Variants in MEOX2 observed in about 807,000 individuals in gnomAD.
The protein encoded by MEOX2 is mesenchyme homeobox 2.
In MEOX2, 11 loss-of-function variants were observed where a neutral mutation model predicts 27.0. The ratio of observed to expected loss-of-function variants is 0.41; its 90% CI spans 0.26 to 0.68. The LOEUF (loss-of-function observed/expected upper bound fraction) is 0.68. Ranked by LOEUF, MEOX2 falls within the 30% of genes least tolerant of loss-of-function variation. MEOX2 has a pLI of 0.33. For synonymous variants in MEOX2, 189 were observed against 155.4 expected (o/e 1.22, Z -1.61); for missense variants, 436 against 385.4 (o/e 1.13, Z -1.10).
intron 1 of MEOX2, among the ~76,000 whole-genome samples, chr7:15,644,640 G>A (rs1323120047): frequency 1.3e-5 from 2 of 152,232 alleles, no homozygotes; most frequent in Non-Finnish European, 1.5e-5. Context: ...GACATGATTT[G>A]GATAGTGGCA....
chr7:15,683,197 T>C (rs997316104), intron 1 of MEOX2, among the ~76,000 whole-genome samples: 31 of 152,020 alleles, frequency 2.0e-4, no homozygotes, highest in African/African-American at 7.0e-4. Context: ...TAAAATTCTA[T>C]TAGAATTTAA....
chr7:15,672,591 G>T (rs180827826), intron 1 of MEOX2, among the ~76,000 whole-genome samples: 34 of 152,116 alleles, frequency 2.2e-4, no homozygotes, highest in African/African-American at 6.5e-4. Context: ...TTTCACTTTA[G>T]AAAGTATCCG....
intron 1 of MEOX2, among the ~76,000 whole-genome samples, chr7:15,685,596 C>G (rs1782366944): frequency 6.6e-6 from 1 of 152,216 alleles, no homozygotes; most frequent in African/African-American, 2.4e-5. Flanking sequence ...TCACGCTTCA[C>G]AATCGATTTC....
chr7:15,630,481 G>C (rs978455013), intron 1 of MEOX2, among the ~76,000 whole-genome samples: 2 of 151,958 alleles, frequency 1.3e-5, no homozygotes, highest in African/African-American at 4.8e-5. Context: ...GGCTACTCTG[G>C]GTAAACGTAT....
chr7:15,674,299 G>C (rs1032613799), intron 1 of MEOX2, among the ~76,000 whole-genome samples: 2 of 152,188 alleles, frequency 1.3e-5, no homozygotes, highest in East Asian at 3.9e-4. Context: ...AATGACAAGA[G>C]ATAAAGATGT....
chr7:15,643,906 C>A (rs1038255179), intron 1 of MEOX2, among the ~76,000 whole-genome samples: 2 of 152,162 alleles, frequency 1.3e-5, no homozygotes, highest in African/African-American at 4.8e-5. Context: ...CAAGCATCAC[C>A]TGTGATGGGG....
chr7:15,632,240 G>T (rs1781416310), intron 1 of MEOX2, among the ~76,000 whole-genome samples: 1 of 151,666 alleles, frequency 6.6e-6, no homozygotes, highest in Non-Finnish European at 1.5e-5. Flanking sequence ...GGAAGTTACA[G>T]AAATTTTAGC....
rs1204533125 is a variant in MEOX2, at chr7:15,667,357, TTC to T, written c.517+18527_517+18528del. Among the ~76,000 whole-genome samples, 4 of 149,710 alleles carry T rather than the reference TTC, an allele frequency of 2.7e-5. No individual in the cohort carries two copies. In the East Asian group the frequency reaches 8.1e-4, roughly 30 times the overall value. ...AGGAGTTGAGGCAGCTGCCACCCTT[TTC>T]CTGGAAACTCCCTGGATTTCTCTGA... On this transcript the variant is annotated intron_variant, in intron 1 of 2. Transcript: ENST00000262041.
intron 1 of MEOX2, among the ~76,000 whole-genome samples, chr7:15,672,027 G>C (rs886401838): frequency 2.6e-5 from 4 of 151,722 alleles, no homozygotes; most frequent in Admixed American, 1.3e-4. Flanking sequence ...CAGGAGGCGG[G>C]GGTTGCAATG....
At chr7:15,655,545 T>A (rs982234379) in intron 1 of MEOX2, among the ~76,000 whole-genome samples, 8 of 151,712 alleles carry the variant, frequency 5.3e-5, no homozygotes, top group Non-Finnish European at 8.9e-5. Flanking sequence ...TTTAATTAGA[T>A]CCCACAAAAT....
intron 1 of MEOX2, among the ~76,000 whole-genome samples, chr7:15,640,902 T>C (rs1781549249): frequency 6.6e-6 from 1 of 152,206 alleles, no homozygotes; most frequent in Non-Finnish European, 1.5e-5. Flanking sequence ...ATTATCTTTT[T>C]TGATATGTTG....
At chr7:15,624,152 T>C (rs2115358411) in intron 2 of MEOX2, among the ~76,000 whole-genome samples, 1 of 152,340 alleles carries the variant, frequency 6.6e-6, no homozygotes, top group East Asian at 1.9e-4. Context: ...GGATTTTTAT[T>C]CAGATTTTTT....
At chr7:15,684,508 A>T (rs1383263344) in intron 1 of MEOX2, among the ~76,000 whole-genome samples, 1 of 152,194 alleles carries the variant, frequency 6.6e-6, no homozygotes, top group Non-Finnish European at 1.5e-5. Context: ...CTTGGAAAAT[A>T]AAAGTTAGCT....
rs558828214 is a variant in MEOX2, at chr7:15,611,276, A to G, written c.*1111T>C. 1 of 152,326 alleles carries G rather than the reference A, an allele frequency of 6.6e-6. No homozygotes were observed. Among genetic ancestry groups the G allele is most frequent in the South Asian group, 2.1e-4 (1 of 4,832 alleles). The allele number at this position is 152,326 out of a possible 1,614,324, so 9.4% of individuals were successfully genotyped here. ...CAAAATACAAAGATAGTTGTTCTGC[A>G]TGAATACATCACATATGAAAAAATA... is the stretch of plus-strand genomic sequence containing the variant. On this transcript the variant is annotated 3_prime_UTR_variant, in exon 3 of 3. Coordinates refer to ENST00000262041, the MANE Select transcript of MEOX2 (RefSeq NM_005924.5).
chr7:15,668,920 T>G (rs1350028595), intron 1 of MEOX2, among the ~76,000 whole-genome samples: 1 of 152,230 alleles, frequency 6.6e-6, no homozygotes, highest in Non-Finnish European at 1.5e-5. Flanking sequence ...CTAATAGGGA[T>G]GCTATACATA....
At chr7:15,669,268 A>C (rs963126978) in intron 1 of MEOX2, among the ~76,000 whole-genome samples, 6 of 152,250 alleles carry the variant, frequency 3.9e-5, no homozygotes, top group African/African-American at 1.4e-4. Context: ...TTCTGTTCCA[A>C]AACCCCTTGT....
chr7:15,684,923 C>T (rs552244560), intron 1 of MEOX2, among the ~76,000 whole-genome samples: 80 of 152,340 alleles, frequency 5.3e-4, no homozygotes, highest in African/African-American at 1.7e-3. Flanking sequence ...CTCTGGATTG[C>T]TACAATTTAT....
Position 15,686,296 on chromosome 7 carries a change from A to T in MEOX2, c.107T>A (p.Met36Lys). The T allele has an allele frequency of 1.2e-6, 2 of 1,611,464 alleles. No individual in the cohort carries two copies. Among genetic ancestry groups the T allele is most frequent in the Non-Finnish European group, 1.7e-6 (2 of 1,178,766 alleles). ...SLALHGRSDH[M>K]SYPELSTSSS... is the part of the protein sequence containing the mutation. ...AGAAGTAGAGAGCTCGGGGTAAGAC[A>T]TATGGTCAGATCTTCCATGGAGGGC... is the stretch of plus-strand genomic sequence containing the variant. The change falls in exon 1 of 3, where the codon ATG becomes AAG. Residue 36 changes from methionine to lysine, a missense_variant. Coordinates refer to ENST00000262041, the MANE Select transcript of MEOX2 (RefSeq NM_005924.5).
At chr7:15,642,397 TC>T (rs1234349225) in intron 1 of MEOX2, among the ~76,000 whole-genome samples, 5 of 152,190 alleles carry the variant, frequency 3.3e-5, no homozygotes, top group African/African-American at 1.2e-4. Flanking sequence ...TTCTGTTTGT[TC>T]TACTCTACTG....
Sources: gnomAD v4.1 joint callset for allele counts (sites outside exome capture counted in the v4.1 genomes callset) on GRCh38, gnomAD v4.1.1 for gene constraint, MANE v1.5 for transcripts, NCBI Gene and HGNC (gene_info 2026-07-23, HGNC 2026-07-21) for gene names.